Variants in DENND2A observed in about 807,000 individuals in gnomAD.
DENND2A encodes DENN domain-containing protein 2A.
In DENND2A, 53 loss-of-function variants were observed where a neutral mutation model predicts 105.3. The ratio of observed to expected loss-of-function variants is 0.50; its 90% confidence interval spans 0.40 to 0.63. The LOEUF is 0.63. Ranked by LOEUF, DENND2A falls within the 30% of genes least tolerant of loss-of-function variation. DENND2A has a pLI of 0.00. For missense variants in DENND2A, 1,138 were observed against 1,279.6 expected (o/e 0.89, Z 1.69); for synonymous variants, 522 against 508.4 (o/e 1.03, Z -0.36).
chr7:140,568,818 A>G lies in DENND2A; in HGVS notation c.1541-5T>C, dbSNP rs1306318861. ...ACTCACTGTTCTCATCTGTCACTAGAAGAAAAGAACAAGGAAGAAAATTGC... is the reference window on the plus strand; with the variant it reads ...ACTCACTGTTCTCATCTGTCACTAGGAGAAAAGAACAAGGAAGAAAATTGC... On this transcript the variant is annotated splice_region_variant and splice_polypyrimidine_tract_variant and intron_variant, in intron 7 of 19. Transcript: ENST00000496613. The G allele has an allele frequency of 3.7e-6, 6 of 1,614,112 alleles. No homozygotes were observed. The highest frequency in any genetic ancestry group is 1.3e-5 in the African/African-American group (1 of 75,062).
intron 1 of DENND2A, among the ~76,000 whole-genome samples, chr7:140,628,782 TC>T (rs1800630163): frequency 6.6e-6 from 1 of 152,054 alleles, no homozygotes; most frequent in African/African-American, 2.4e-5. Flanking sequence ...CCTCAAATGA[TC>T]CGCCTGCCTC....
intron 1 of DENND2A, among the ~76,000 whole-genome samples, chr7:140,637,148 C>G (rs920876413): frequency 6.6e-6 from 1 of 152,036 alleles, no homozygotes; most frequent in East Asian, 1.9e-4. Context: ...CTGTGCCTGG[C>G]CAATTTCTTT....
rs1207691065 is a variant in DENND2A, at chr7:140,551,666, G to GT, written c.2037+3969dup. Among the ~76,000 whole-genome samples the GT allele has an allele frequency of 6.6e-5, 10 of 152,186 alleles. 1 individual carries two copies. Among genetic ancestry groups the GT allele is most frequent in the Admixed American group, 6.5e-4 (10 of 15,274 alleles). The stretch of plus-strand genomic sequence containing the variant: ...ATGATTGAATCTTGAAGCCTCTGTG[G>GT]TTCACTAGACAGTATTACTATAGCA... On this transcript the variant is annotated intron_variant, in intron 12 of 19. Transcript: ENST00000496613.
intron 3 of DENND2A, among the ~76,000 whole-genome samples, chr7:140,588,579 C>T (rs1014092205): frequency 6.6e-6 from 1 of 152,002 alleles, no homozygotes; most frequent in Non-Finnish European, 1.5e-5. Context: ...ACTATAGATA[C>T]ACAGCAACAC....
chr7:140,538,297 G>C (rs114836092), intron 14 of DENND2A, among the ~76,000 whole-genome samples: 2,152 of 152,076 alleles, frequency 0.014, 53 homozygotes, highest in African/African-American at 0.048. Flanking sequence ...GGATGTCACC[G>C]GGCCACGCAC....
chr7:140,596,675 CA>C (rs1301062653), intron 3 of DENND2A, among the ~76,000 whole-genome samples: 1 of 152,182 alleles, frequency 6.6e-6, no homozygotes, highest in Non-Finnish European at 1.5e-5. Flanking sequence ...CCAAAATAAT[CA>C]GCTGAAAAGT....
intron 4 of DENND2A, 90 bp downstream of exon 4, chr7:140,587,563 T>C: frequency 1.3e-6 from 2 of 1,539,918 alleles, no homozygotes; most frequent in Non-Finnish European, 1.8e-6. Context: ...TACATGTGTG[T>C]GCACGTGTGT....
intron 5 of DENND2A, among the ~76,000 whole-genome samples, chr7:140,575,696 G>A (rs1392572267): frequency 6.6e-6 from 1 of 152,106 alleles, no homozygotes; most frequent in Non-Finnish European, 1.5e-5. Flanking sequence ...TGCCGGGCAC[G>A]GTGGCTCACG....
intron 3 of DENND2A, among the ~76,000 whole-genome samples, chr7:140,594,206 C>T (rs1367036307): frequency 6.6e-6 from 1 of 152,192 alleles, no homozygotes; most frequent in Non-Finnish European, 1.5e-5. Context: ...CCGTGCCCGG[C>T]CTTAAACATG....
chr7:140,634,452 C>T (rs895037249), intron 1 of DENND2A, among the ~76,000 whole-genome samples: 16 of 152,048 alleles, frequency 1.1e-4, no homozygotes, highest in African/African-American at 3.4e-4. Flanking sequence ...GGTTTTGCCC[C>T]GAATATTTTA....
At chr7:140,552,101 A>C (rs574760786) in intron 12 of DENND2A, among the ~76,000 whole-genome samples, 1 of 152,320 alleles carries the variant, frequency 6.6e-6, no homozygotes, top group East Asian at 1.9e-4. Context: ...GCATTCTGAC[A>C]ACAACAAAGG....
In DENND2A at chr7:140,601,741, G is replaced by A. The variant is rs1268626342; in HGVS notation, c.657C>T (p.Pro219=). The A allele has an allele frequency of 1.2e-6, 2 of 1,613,868 alleles. No individual in the cohort carries two copies. Among genetic ancestry groups the A allele is most frequent in the African/African-American group, 1.3e-5 (1 of 74,876 alleles). Residue 219 remains proline (P), a synonymous_variant, in exon 3 of 20, where the codon CCC becomes CCT. Transcript: ENST00000496613. ...TGGGCTCCCTGCCTTCCAGGTCCGA[G>A]GGGTGGACCCTCTGGCTGACTTCTG... is the stretch of plus-strand genomic sequence containing the variant. ...SGSEVSQRVH[P]SDLEGREPTP...
intron 14 of DENND2A, among the ~76,000 whole-genome samples, chr7:140,530,141 T>C (rs1299062069): frequency 1.3e-5 from 2 of 151,978 alleles, no homozygotes; most frequent in East Asian, 3.9e-4. Flanking sequence ...TGAAGATTAC[T>C]TGAACCTGGA....
chr7:140,640,958 G>T (rs1008803894), upstream of DENND2A, among the ~76,000 whole-genome samples: 1 of 150,838 alleles, frequency 6.6e-6, no homozygotes, highest in Non-Finnish European at 1.5e-5. This position sits in a 1 kb window ranked among gnomAD's most constrained non-coding sequence, Gnocchi z 4.9. Flanking sequence ...ACCTTCTGCC[G>T]GACTCGCCCC....
chr7:140,615,755 G>T (rs895112852), intron 1 of DENND2A, among the ~76,000 whole-genome samples: 1 of 150,744 alleles, frequency 6.6e-6, no homozygotes, highest in Admixed American at 6.6e-5. Flanking sequence ...GTTTTGCCAC[G>T]TTGGCCAGGC....
intron 14 of DENND2A, chr7:140,543,562 C>G (rs967261079): frequency 6.6e-6 from 1 of 152,212 alleles, no homozygotes; most frequent in South Asian, 2.1e-4. Context: ...GATCTCCAGT[C>G]TGAGCTGCCG....
chr7:140,521,934 G>A lies in DENND2A; in HGVS notation c.2832C>T (p.His944=), dbSNP rs750168986. The A allele has an allele frequency of 2.5e-6, 4 of 1,614,180 alleles. No individual in the cohort carries two copies. Among genetic ancestry groups the A allele is most frequent in the Non-Finnish European group, 3.4e-6 (4 of 1,180,052 alleles). The change falls in exon 18 of 20, where the codon CAC becomes CAT. Residue 944 remains histidine, a synonymous_variant. Transcript: ENST00000496613. Reference sequence around the variant, plus strand: ...GAGTCTCCATGAAGACCTCCAGGAAGTGGCGGAGGCTCTTGGAGGAGACAG... The same window carrying A: ...GAGTCTCCATGAAGACCTCCAGGAAATGGCGGAGGCTCTTGGAGGAGACAG... The part of the protein sequence containing the change: ...RKAVSSKSLR[H]FLEVFMETQM...
chr7:140,568,043 T>C (rs1194525818), intron 8 of DENND2A, among the ~76,000 whole-genome samples: 5 of 152,144 alleles, frequency 3.3e-5, no homozygotes, highest in Admixed American at 6.5e-5. Flanking sequence ...CGGGTTCAAG[T>C]GATACTCCTC....
rs370891839 is a variant in DENND2A at position 140,594,758 on chromosome 7, G to A, written c.995+6645C>T. ...ATTATTTATTTATTTTCGCTCTGTC[G>A]CCAGGCTGGAGTGCAATGGCGCATC... On this transcript the variant is annotated intron_variant, in intron 3 of 19. Transcript: ENST00000496613. 1.8e-4 allele frequency among the ~76,000 whole-genome samples: 28 copies of A among 152,180 alleles called. No individual in the cohort carries two copies. The South Asian group carries it at 3.1e-3, about 17-fold the overall frequency.
Sources: allele counts gnomAD v4.1 joint callset (sites outside exome capture counted in the v4.1 genomes callset), GRCh38; gene constraint gnomAD v4.1.1; non-coding constraint Gnocchi (gnomAD v3.1); transcripts MANE v1.5; gene names NCBI Gene and HGNC (gene_info 2026-07-23, HGNC 2026-07-21).